Variants in PATJ observed in about 807,000 individuals in gnomAD.
The protein encoded by PATJ is inaD-like protein.
Under a neutral mutation model 224.9 loss-of-function variants are expected in PATJ, and 190 were observed. That is an observed-to-expected ratio of 0.84 (90% CI 0.75 to 0.95). PATJ has a LOEUF of 0.95. Among genes scored for constraint, PATJ ranks in the 40% least tolerant of loss-of-function variants. The probability of loss-of-function intolerance (pLI) is 0.00; values close to 1 mark genes in which losing one functional copy is unlikely to be tolerated. For synonymous variants in PATJ, 769 were observed against 820.3 expected, an observed-to-expected ratio of 0.94 and a Z score of 1.07; for missense variants, 2,121 against 2,270.3, an observed-to-expected ratio of 0.93 and a Z score of 1.34.
At chr1:62,075,377 C>T (rs1431347906) in intron 31 of PATJ, among the ~76,000 whole-genome samples, 1 of 152,146 alleles carries the variant, frequency 6.6e-6, no homozygotes, top group African/African-American at 2.4e-5. Flanking sequence ...GCATTAATAG[C>T]TGTTATTAAT....
chr1:61,755,932 G>T (rs528705421), intron 1 of PATJ, among the ~76,000 whole-genome samples: 2 of 152,126 alleles, frequency 1.3e-5, no homozygotes, highest in South Asian at 4.2e-4. Context: ...CTCCCAAGTA[G>T]CTGGGATTAC....
At position 62,113,009 on chromosome 1, in the gene PATJ, A is replaced by G. The variant is rs544097625; in HGVS notation, c.4462-1044A>G. ...CTCTATGAATGGTGATAATAACAAT[A>G]TCTATTTCAGAGAGTTAGTATAAGG... On this transcript the variant is annotated intron_variant, in intron 34 of 43. Transcript: ENST00000642238. 2.6e-5 allele frequency among the ~76,000 whole-genome samples: 4 copies of G among 152,330 alleles called. No individual in the cohort carries two copies. In the East Asian group the frequency reaches 7.7e-4, roughly 29 times the overall value.
intron 12 of PATJ, among the ~76,000 whole-genome samples, chr1:61,802,594 GTCTATA>G (rs1652767031): frequency 6.6e-6 from 1 of 152,122 alleles, no homozygotes; most frequent in South Asian, 2.1e-4. Flanking sequence ...TCATTGATAT[GTCTATA>G]TCTATAGATT....
At chr1:61,787,377 G>A (rs1357071641) in intron 7 of PATJ, among the ~76,000 whole-genome samples, 1 of 152,162 alleles carries the variant, frequency 6.6e-6, no homozygotes, top group African/African-American at 2.4e-5. Context: ...GATGTTGGTT[G>A]TGAAGTTCCC....
Position 61,884,265 on chromosome 1 carries a change from T to C in PATJ, c.2988T>C (p.Pro996=). The part of the protein sequence containing the change: ...LGMIPNDVQG[P]SLLIDLPVVA... ...TGATCCCGAATGATGTCCAAGGTCCTAGCTTGCTCATTGACCTTCCTGTTG... is the reference window on the plus strand; with the variant it reads ...TGATCCCGAATGATGTCCAAGGTCCCAGCTTGCTCATTGACCTTCCTGTTG... Residue 996 remains proline (P), a synonymous_variant, in exon 22 of 44, where the codon CCT becomes CCC. Coordinates refer to ENST00000642238, the MANE Select transcript of PATJ (RefSeq NM_001350145.3). 6.2e-7 allele frequency: 1 copy of C among 1,612,998 alleles called. No individual in the cohort carries two copies. Among genetic ancestry groups the C allele is most frequent in the South Asian group, 1.1e-5 (1 of 90,850 alleles).
chr1:62,141,124 C>T lies in PATJ; in HGVS notation c.5272-7160C>T, dbSNP rs1351315140. On this transcript the variant is annotated intron_variant, in intron 41 of 43. Transcript: ENST00000642238. ...GCTCTACTTGCATCTTCTTGTCCCA[C>T]TGTCCCTCTGCCCCTCCCCTTCCCA... is the stretch of plus-strand genomic sequence containing the variant. 4.6e-5 allele frequency among the ~76,000 whole-genome samples: 7 copies of T among 152,076 alleles called. No individual in the cohort carries two copies. The East Asian group carries it at 1.2e-3, about 25-fold the overall frequency.
intron 14 of PATJ, among the ~76,000 whole-genome samples, chr1:61,815,732 A>G (rs1005133122): frequency 4.6e-5 from 7 of 152,172 alleles, no homozygotes; most frequent in Admixed American, 2.0e-4. Flanking sequence ...GCTAATGTTA[A>G]TAGATAAGAT....
intron 31 of PATJ, among the ~76,000 whole-genome samples, chr1:62,061,357 T>C (rs1655403629): frequency 6.6e-6 from 1 of 151,400 alleles, no homozygotes; most frequent in African/African-American, 2.4e-5. Context: ...AATTTTTGTA[T>C]TTTTAGTGAA....
intron 41 of PATJ, among the ~76,000 whole-genome samples, chr1:62,133,908 G>A (rs1487185691): frequency 6.6e-5 from 10 of 151,960 alleles, no homozygotes; most frequent in South Asian, 2.1e-4. Flanking sequence ...CACCATGCCC[G>A]GCTAATTTTT....
rs1646848931 is a variant in PATJ at position 61,775,267 on chromosome 1, G to A, written c.782G>A (p.Gly261Glu). ...AATGATGGCTCTGGACTAGGTTTTG[G>A]AATAGTTGGAGGAAAAACAAGTGGC... Reference protein sequence around the residue: ...LINDGSGLGFGIVGGKTSGVV... With the variant: ...LINDGSGLGFEIVGGKTSGVV... Residue 261 changes from glycine (G) to glutamate (E), a missense_variant, in exon 7 of 44, where the codon GGA becomes GAA. Physicochemically the swap from Gly to Glu is moderately conservative, Grantham distance 98. Transcript: ENST00000642238. The A allele has an allele frequency of 1.7e-5, 27 of 1,614,022 alleles. No homozygotes were observed. The highest frequency in any genetic ancestry group is 2.2e-5 in the Non-Finnish European group (26 of 1,179,948).
chr1:61,955,350 A>G (rs535156535), intron 27 of PATJ, among the ~76,000 whole-genome samples: 1 of 152,256 alleles, frequency 6.6e-6, no homozygotes, highest in South Asian at 2.1e-4. Context: ...AAAAAGAAAA[A>G]AGATATATAG....
chr1:61,921,546 G>A (rs1017248649), intron 26 of PATJ, among the ~76,000 whole-genome samples: 1 of 152,076 alleles, frequency 6.6e-6, no homozygotes, highest in African/African-American at 2.4e-5. Context: ...AGAATTCTTT[G>A]TCAATCTTTT....
At chr1:62,085,974 G>GT (rs1388185717) in intron 33 of PATJ, among the ~76,000 whole-genome samples, 2 of 151,248 alleles carry the variant, frequency 1.3e-5, no homozygotes, top group East Asian at 1.9e-4. Context: ...ACTTTTTATT[G>GT]TTTTTTATTT....
chr1:62,140,605 G>T (rs564957958), intron 41 of PATJ, among the ~76,000 whole-genome samples: 16 of 151,946 alleles, frequency 1.1e-4, no homozygotes, highest in African/African-American at 3.9e-4. Context: ...GTGAGCCGAG[G>T]TCATGTCACT....
At chr1:62,101,071 A>T (rs1662099315) in intron 33 of PATJ, among the ~76,000 whole-genome samples, 1 of 152,126 alleles carries the variant, frequency 6.6e-6, no homozygotes, top group Non-Finnish European at 1.5e-5. Flanking sequence ...TCTCCACAAA[A>T]ATACACAAAA....
intron 26 of PATJ, among the ~76,000 whole-genome samples, chr1:61,915,130 T>C (rs1038530802): frequency 5.3e-5 from 8 of 152,234 alleles, no homozygotes; most frequent in African/African-American, 1.7e-4. Flanking sequence ...CCACCTCTAT[T>C]AAAGTAGAAT....
At chr1:62,146,691 C>T (rs1034256676) in intron 41 of PATJ, among the ~76,000 whole-genome samples, 3 of 151,914 alleles carry the variant, frequency 2.0e-5, no homozygotes, top group South Asian at 2.1e-4. Flanking sequence ...GCAGGAGACT[C>T]GCTTGAACCC....
intron 31 of PATJ, among the ~76,000 whole-genome samples, chr1:62,067,209 C>A (rs1449996879): frequency 6.6e-6 from 1 of 150,678 alleles, no homozygotes; most frequent in Non-Finnish European, 1.5e-5. Context: ...TCACTGCAAC[C>A]TCCACCTCCC....
intron 22 of PATJ, among the ~76,000 whole-genome samples, chr1:61,896,712 A>G (rs6663695): frequency 0.62 from 94,366 of 151,948 alleles, 30,155 homozygotes; most frequent in Middle Eastern, 0.7. Flanking sequence ...GGACCTGATG[A>G]GAGGTGATTG....
Sources: allele counts gnomAD v4.1 joint callset (sites outside exome capture counted in the v4.1 genomes callset), GRCh38; gene constraint gnomAD v4.1.1; transcripts MANE v1.5; gene names NCBI Gene and HGNC (gene_info 2026-07-23, HGNC 2026-07-21).